Variants in COL13A1 observed in about 807,000 individuals in gnomAD.
COL13A1 encodes the protein collagen type XIII alpha 1 chain.
A neutral mutation model predicts 130.9 loss-of-function variants in COL13A1; 89 were observed. The ratio of observed to expected loss-of-function variants is 0.68; its 90% CI spans 0.57 to 0.81. The LOEUF (loss-of-function observed/expected upper bound fraction) is 0.81. Ranked by LOEUF, COL13A1 falls within the 30% of genes least tolerant of loss-of-function variation. The pLI is 0.00. For synonymous variants in COL13A1, 402 were observed against 341.6 expected, an observed-to-expected ratio of 1.18 and a Z score of -1.95; for missense variants, 879 against 934.6, an observed-to-expected ratio of 0.94 and a Z score of 0.78.
intron 10 of COL13A1, among the ~76,000 whole-genome samples, chr10:69,891,545 C>T (rs1435618191): frequency 1.3e-5 from 2 of 152,184 alleles, no homozygotes; most frequent in South Asian, 2.1e-4. Context: ...ATCACAGCTG[C>T]CTCCGCTGCA....
intron 17 of COL13A1, among the ~76,000 whole-genome samples, chr10:69,910,700 T>A (rs890397302): frequency 7.2e-5 from 11 of 152,364 alleles, no homozygotes; most frequent in African/African-American, 2.6e-4. Flanking sequence ...TGATCCAAAT[T>A]TATGACACTG....
At chr10:69,863,307 C>T (rs1016346838) in intron 2 of COL13A1, among the ~76,000 whole-genome samples, 1 of 152,188 alleles carries the variant, frequency 6.6e-6, no homozygotes, top group Non-Finnish European at 1.5e-5. Context: ...GAGCTGAGAA[C>T]CCCTGCTCCA....
rs566788767 is a variant in COL13A1, at chr10:69,808,246, C to T, written c.294+5529C>T. Among the ~76,000 whole-genome samples, 14 of 152,254 alleles carry T rather than the reference C, an allele frequency of 9.2e-5. No homozygotes were observed. The South Asian group carries it at 2.3e-3, about 25-fold the overall frequency. On this transcript the variant is annotated intron_variant, in intron 1 of 40. Transcript: ENST00000645393. ...TCCATCTGCCCTAAGCACAGCTTTA[C>T]GGTTTGATAACTCCCAGAAAGATGT... is the stretch of plus-strand genomic sequence containing the variant.
chr10:69,849,536 T>G (rs1854136099), intron 2 of COL13A1, among the ~76,000 whole-genome samples: 1 of 152,186 alleles, frequency 6.6e-6, no homozygotes, highest in African/African-American at 2.4e-5. Context: ...GAGGATATTG[T>G]TTCCTTCTTT....
chr10:69,870,720 A>G (rs2058980100), intron 3 of COL13A1, among the ~76,000 whole-genome samples: 2 of 152,146 alleles, frequency 1.3e-5, no homozygotes, highest in South Asian at 4.1e-4. Flanking sequence ...CTACATAAGG[A>G]AACAGAAGGT....
At chr10:69,931,407 G>T (rs2066102661) in intron 30 of COL13A1, among the ~76,000 whole-genome samples, 2 of 152,296 alleles carry the variant, frequency 1.3e-5, no homozygotes, top group African/African-American at 4.8e-5. Flanking sequence ...AGGCAGGGAG[G>T]GTCCTCTTAA....
intron 8 of COL13A1, among the ~76,000 whole-genome samples, 200 bp from the exon 9 acceptor site, chr10:69,888,104 A>C (rs2060779082): frequency 6.6e-6 from 1 of 152,174 alleles, no homozygotes; most frequent in African/African-American, 2.4e-5. Flanking sequence ...CCAACATTCT[A>C]TTATTCTCAA....
intron 13 of COL13A1, chr10:69,897,668 A>C: frequency 9.9e-7 from 1 of 1,007,330 alleles, no homozygotes. Context: ...CCAAGAAGGC[A>C]GCAGCTGTGA....
chr10:69,932,738 C>A, intron 31 of COL13A1, 134 bp downstream of exon 31: 1 of 648,374 alleles, frequency 1.5e-6, no homozygotes, highest in Non-Finnish European at 2.8e-6. Flanking sequence ...AGGTCAGGCA[C>A]TGATCCTCTG....
At position 69,874,284 on chromosome 10, in the gene COL13A1, C is replaced by T. The variant is rs541531287; in HGVS notation, c.400-844C>T. ...GACGCAGAGTCACCCGAGAAATGCCCATGCAGTCCCCTCCTGTCCAGCAGG... is the reference window on the plus strand; with the variant it reads ...GACGCAGAGTCACCCGAGAAATGCCTATGCAGTCCCCTCCTGTCCAGCAGG... On this transcript the variant is annotated intron_variant, in intron 4 of 40. Coordinates refer to ENST00000645393, the MANE Select transcript of COL13A1 (RefSeq NM_001368882.1). Among the ~76,000 whole-genome samples the T allele has an allele frequency of 2.0e-5, 3 of 152,304 alleles. No homozygotes were observed. The East Asian group carries it at 5.8e-4, about 29-fold the overall frequency.
At chr10:69,810,607 G>A (rs2763346) in intron 1 of COL13A1, among the ~76,000 whole-genome samples, 34,763 of 152,196 alleles carry the variant, frequency 0.23, 4,430 homozygotes, top group Non-Finnish European at 0.29. Flanking sequence ...TGCCCTCCAG[G>A]AAGCCTCAGA....
At chr10:69,853,223 C>A (rs576078624) in intron 2 of COL13A1, among the ~76,000 whole-genome samples, 2 of 152,340 alleles carry the variant, frequency 1.3e-5, no homozygotes, top group African/African-American at 4.8e-5. Context: ...GCCTCACCCT[C>A]TTCTTGGTCC....
chr10:69,891,850 G>A lies in COL13A1; in HGVS notation c.603+2410G>A, dbSNP rs1326614109. ...ATGAGAGGGGAAATTGAGGCACAGA[G>A]TGGCTAAGTACATTGCCTGAGGCCA... On this transcript the variant is annotated intron_variant, in intron 10 of 40. Coordinates refer to ENST00000645393, the MANE Select transcript of COL13A1 (RefSeq NM_001368882.1). Among the ~76,000 whole-genome samples the A allele has an allele frequency of 3.3e-5, 5 of 152,208 alleles. No individual in the cohort carries two copies. In the South Asian group the frequency reaches 1.0e-3, roughly 32 times the overall value.
chr10:69,918,248 G>C (rs746284577), intron 18 of COL13A1, 37 bp from the exon 19 acceptor site: 15 of 1,607,612 alleles, frequency 9.3e-6, no homozygotes, highest in Non-Finnish European at 1.3e-5. Context: ...CCTCGCTGCA[G>C]AATGTCTTCA....
rs760428847 is a variant in COL13A1 at position 69,872,091 on chromosome 10, C to T, written c.373-93C>T. On this transcript the variant is annotated intron_variant, in intron 3 of 40. Coordinates refer to ENST00000645393, the MANE Select transcript of COL13A1 (RefSeq NM_001368882.1). The stretch of plus-strand genomic sequence containing the variant: ...AAATAACAAAGGCTTACCCAAGTGG[C>T]ATGCCAAGGTCACACAGCTGGTTGA... The T allele has an allele frequency of 6.9e-6, 10 of 1,446,936 alleles. 1 individual carries two copies. In the Middle Eastern group the frequency reaches 5.2e-4, roughly 75 times the overall value. The allele number at this position is 1,446,936 out of a possible 1,614,324, so 89.6% of individuals were successfully genotyped here.
Position 69,878,587 on chromosome 10 carries a change from T to G in COL13A1, c.462+522T>G, listed in dbSNP as rs192551529. 5.4e-3 allele frequency among the ~76,000 whole-genome samples: 817 copies of G among 152,268 alleles called. 9 individuals carry two copies. The highest frequency in any genetic ancestry group is 0.019 in the African/African-American group (774 of 41,532). Reference sequence around the variant, plus strand: ...ACCTCCGTCTCCTGGGTTCAAGCAATTCTCCTACCTCAGCCTCCCAAGTAG... The same window carrying G: ...ACCTCCGTCTCCTGGGTTCAAGCAAGTCTCCTACCTCAGCCTCCCAAGTAG... On this transcript the variant is annotated intron_variant, in intron 6 of 40. Transcript: ENST00000645393.
intron 38 of COL13A1, among the ~76,000 whole-genome samples, chr10:69,951,513 T>G (rs1366981803): frequency 6.6e-6 from 1 of 152,096 alleles, no homozygotes; most frequent in African/African-American, 2.4e-5. Flanking sequence ...TACAGGGACA[T>G]GCCACCACAC....
intron 3 of COL13A1, among the ~76,000 whole-genome samples, chr10:69,871,592 C>T (rs562813519): frequency 6.6e-5 from 10 of 152,290 alleles, no homozygotes; most frequent in Admixed American, 2.6e-4. Flanking sequence ...CTTTTCTCAG[C>T]AGCCCTGCAG....
chr10:69,825,203 C>T (rs1847180261), intron 2 of COL13A1, among the ~76,000 whole-genome samples: 1 of 152,240 alleles, frequency 6.6e-6, no homozygotes, highest in Admixed American at 6.5e-5. Context: ...GAAGGGAATT[C>T]AGTTCTAACA....
Sources: gnomAD v4.1 joint callset for allele counts (sites outside exome capture counted in the v4.1 genomes callset) on GRCh38, gnomAD v4.1.1 for gene constraint, MANE v1.5 for transcripts, NCBI Gene and HGNC (gene_info 2026-07-23, HGNC 2026-07-21) for gene names.